NXN: variants seen among roughly 807,000 people sequenced by gnomAD.
NXN encodes nucleoredoxin, also known as nucleoredoxin 1.
NXN carries 16 observed loss-of-function variants against 48.6 expected under a neutral mutation model. The observed-to-expected ratio is 0.33, with a 90% confidence interval of 0.22 to 0.50. The LOEUF is 0.50. NXN is among the 20% of genes least tolerant of loss of function. The pLI, the probability that NXN is intolerant of heterozygous loss-of-function variation, is 0.98. For synonymous variants in NXN, 281 were observed against 269.6 expected, an observed-to-expected ratio of 1.04 and a Z score of -0.41; for missense variants, 492 against 605.5, an observed-to-expected ratio of 0.81 and a Z score of 1.97.
intron 1 of NXN, among the ~76,000 whole-genome samples, chr17:948,344 AAAAC>A (rs2069069011): frequency 6.6e-6 from 1 of 152,186 alleles, no homozygotes; most frequent in South Asian, 2.1e-4. Context: ...ATAAAGAAAG[AAAAC>A]AAAGGAAACA....
At chr17:969,560 C>T (rs2069347959) in intron 1 of NXN, among the ~76,000 whole-genome samples, 2 of 152,192 alleles carry the variant, frequency 1.3e-5, no homozygotes, top group African/African-American at 4.8e-5. Flanking sequence ...TGCGATTTTT[C>T]CCTATTGCAC....
intron 1 of NXN, among the ~76,000 whole-genome samples, chr17:828,594 G>T (rs1182972961): frequency 6.6e-6 from 1 of 150,858 alleles, no homozygotes; most frequent in East Asian, 1.9e-4. Flanking sequence ...TAGAGATAGG[G>T]TTTCGCCACA....
chr17:877,485 A>G (rs1374199567), intron 1 of NXN, among the ~76,000 whole-genome samples: 1 of 152,156 alleles, frequency 6.6e-6, no homozygotes, highest in African/African-American at 2.4e-5. Context: ...ACCAGCCACT[A>G]CTGGATTCCT....
chr17:880,329 G>C (rs1191804537), intron 1 of NXN, among the ~76,000 whole-genome samples: 1 of 151,744 alleles, frequency 6.6e-6, no homozygotes, highest in African/African-American at 2.4e-5. Context: ...AAATACCTTG[G>C]ATTAACAACC....
intron 1 of NXN, among the ~76,000 whole-genome samples, chr17:888,869 C>T (rs2467254): frequency 0.95 from 144,337 of 151,538 alleles, 68,885 homozygotes; most frequent in African/African-American, 0.99. Flanking sequence ...GCAGGAGAAT[C>T]ACTTGAACCC....
At chr17:939,490 T>C (rs538110201) in intron 1 of NXN, among the ~76,000 whole-genome samples, 1 of 151,812 alleles carries the variant, frequency 6.6e-6, no homozygotes, top group Non-Finnish European at 1.5e-5. Flanking sequence ...GGATTACAGG[T>C]GCCCGCCACC....
At chr17:899,555 G>C (rs1025041489) in intron 1 of NXN, among the ~76,000 whole-genome samples, 4 of 152,206 alleles carry the variant, frequency 2.6e-5, no homozygotes, top group Admixed American at 2.6e-4. Flanking sequence ...TGAGGGCAAA[G>C]ACTGATTCAC....
At chr17:807,481 C>T (rs973295482) in intron 5 of NXN, among the ~76,000 whole-genome samples, 8 of 152,288 alleles carry the variant, frequency 5.3e-5, no homozygotes, top group South Asian at 4.1e-4. Flanking sequence ...TGGGGCTCTC[C>T]GAGGGCCTCC....
intron 1 of NXN, among the ~76,000 whole-genome samples, chr17:927,298 GAA>G (rs1185890271): frequency 2.7e-5 from 4 of 149,854 alleles, no homozygotes; most frequent in Non-Finnish European, 5.9e-5. Context: ...AAAAAGAAAA[GAA>G]AAGGGAGGTA....
intron 1 of NXN, among the ~76,000 whole-genome samples, chr17:882,031 T>C (rs2068290007): frequency 6.6e-6 from 1 of 151,792 alleles, no homozygotes; most frequent in Non-Finnish European, 1.5e-5. Context: ...TTCATATCGG[T>C]ATAACAGCTG....
chr17:927,739 C>T (rs1325087966), intron 1 of NXN, among the ~76,000 whole-genome samples: 2 of 152,014 alleles, frequency 1.3e-5, no homozygotes, highest in South Asian at 2.1e-4. Flanking sequence ...GCATAACCAG[C>T]CAGACAGCAC....
intron 1 of NXN, among the ~76,000 whole-genome samples, chr17:922,870 C>T (rs953024586): frequency 6.6e-5 from 10 of 151,944 alleles, no homozygotes; most frequent in African/African-American, 2.2e-4. Context: ...CCAGGATGGT[C>T]TCGATCTCCT....
At chr17:940,527 G>A (rs938460063) in intron 1 of NXN, among the ~76,000 whole-genome samples, 7 of 152,206 alleles carry the variant, frequency 4.6e-5, no homozygotes, top group South Asian at 2.1e-4. Flanking sequence ...AGCCCCTAAC[G>A]AAGACATCAC....
Position 819,421 on chromosome 17 carries a change from G to A in NXN, c.820+18C>T, listed in dbSNP as rs762471242. The A allele has an allele frequency of 8.7e-6, 14 of 1,601,942 alleles. No individual in the cohort carries two copies. The highest frequency in any genetic ancestry group is 1.7e-4 in the Middle Eastern group (1 of 6,058). ...AGGTTTCCAGGAGCCACACGGAGCC[G>A]GGGCCTGGAGCGCCTACCTTGGATT... On this transcript the variant is annotated intron_variant, in intron 5 of 7. Coordinates refer to ENST00000336868, the MANE Select transcript of NXN (RefSeq NM_022463.5).
chr17:936,551 G>A (rs780699643), intron 1 of NXN, among the ~76,000 whole-genome samples: 8 of 151,392 alleles, frequency 5.3e-5, no homozygotes, highest in African/African-American at 9.7e-5. Context: ...ATTCTGCTGC[G>A]GAAAAACTGG....
chr17:907,737 T>C (rs1406135028), intron 1 of NXN: 1 of 93,824 alleles, frequency 1.1e-5, no homozygotes, highest in Admixed American at 1.3e-4. Context: ...ATGTCGGATC[T>C]GTAGGATTCT....
rs140847299 is a variant in NXN, at chr17:916,792, G to A, written c.360+62527C>T. Among the ~76,000 whole-genome samples the A allele has an allele frequency of 2.6e-3, 391 of 152,284 alleles. 2 individuals carry two copies. The highest frequency in any genetic ancestry group is 8.4e-3 in the African/African-American group (348 of 41,554). On this transcript the variant is annotated intron_variant, in intron 1 of 7. Coordinates refer to ENST00000336868, the MANE Select transcript of NXN (RefSeq NM_022463.5). ...GGACATCTGTAATCCCAGCCACTTC[G>A]GGGGCTGAGGCAGGAGAATCACTTG...
chr17:807,815 C>T (rs898764395), intron 5 of NXN, among the ~76,000 whole-genome samples: 4 of 152,262 alleles, frequency 2.6e-5, no homozygotes, highest in Admixed American at 6.5e-5. Flanking sequence ...ACAGCCATGA[C>T]GAGTGCACAT....
At chr17:812,835 T>A (rs919465338) in intron 5 of NXN, among the ~76,000 whole-genome samples, 1 of 150,192 alleles carries the variant, frequency 6.7e-6, no homozygotes, top group Non-Finnish European at 1.5e-5. Flanking sequence ...TGTGCATGTG[T>A]GAGTGTAGGT....
Sources: allele counts gnomAD v4.1 joint callset (sites outside exome capture counted in the v4.1 genomes callset), GRCh38; gene constraint gnomAD v4.1.1; transcripts MANE v1.5; gene names NCBI Gene and HGNC (gene_info 2026-07-23, HGNC 2026-07-21).